PODN: variants seen among roughly 807,000 people sequenced by gnomAD.
PODN encodes podocan, also known as podocan proteoglycan.
Under a neutral mutation model 52.7 loss-of-function variants are expected in PODN, and 40 were observed. The observed-to-expected ratio is 0.76, with a 90% CI of 0.59 to 0.99. PODN has a LOEUF of 0.99. PODN is among the 50% of genes least tolerant of loss of function. The pLI, the probability that PODN is intolerant of heterozygous loss-of-function variation, is 0.00. For missense variants in PODN, 720 were observed against 815.1 expected (o/e 0.88, Z 1.42); for synonymous variants, 396 against 377.9 (o/e 1.05, Z -0.56).
At chr1:53,078,239 C>T (rs1644225351) in intron 7 of PODN, 126 bp from the exon 8 acceptor site, 4 of 978,804 alleles carry the variant, frequency 4.1e-6, no homozygotes, top group Non-Finnish European at 6.1e-6. Context: ...TGAGGGCCCA[C>T]AGTCAGTGAG....
intron 1 of PODN, among the ~76,000 whole-genome samples, chr1:53,062,983 A>C (rs1025311546): frequency 1.3e-5 from 2 of 152,110 alleles, no homozygotes; most frequent in African/African-American, 2.4e-5. Flanking sequence ...GGACAGCTGG[A>C]GGGAGGAAGG....
Position 53,078,871 on chromosome 1 carries a change from A to G in PODN, c.1361A>G (p.His454Arg), listed in dbSNP as rs778883381. 2 of 1,612,546 alleles carry G rather than the reference A, an allele frequency of 1.2e-6. No homozygotes were observed. The highest frequency in any genetic ancestry group is 1.7e-4 in the Middle Eastern group (1 of 6,060). The change falls in exon 8 of 11, where the codon CAT becomes CGT. Residue 454 changes from histidine to arginine, a missense_variant. Transcript: ENST00000312553. The stretch of plus-strand genomic sequence containing the variant: ...CCACCTGGGCTGCCTCGAAATGTCC[A>G]TGTGCTGAAGGTCAAGCGCAATGAG... ...TLPPGLPRNV[H>R]VLKVKRNELA...
At chr1:53,073,492 G>A (rs1288051848) in intron 3 of PODN, 1 of 152,232 alleles carries the variant, frequency 6.6e-6, no homozygotes, top group Non-Finnish European at 1.5e-5. Context: ...CTAAGACCTG[G>A]GGGATGCGCA....
chr1:53,070,195 C>CG (rs1450640829), intron 2 of PODN, 28 bp downstream of exon 2: 28 of 1,598,164 alleles, frequency 1.8e-5, no homozygotes, highest in Non-Finnish European at 2.4e-5. Context: ...CCTGTGGTCA[C>CG]GGGGGCTGTC....
At chr1:53,075,725 A>T (rs1644184486) in intron 4 of PODN, 137 bp from the exon 5 acceptor site, 1 of 693,344 alleles carries the variant, frequency 1.4e-6, no homozygotes. Flanking sequence ...AGGGGGTGGG[A>T]CAAGTTTCAA....
intron 1 of PODN, among the ~76,000 whole-genome samples, chr1:53,064,691 A>G (rs1179923269): frequency 6.6e-6 from 1 of 152,194 alleles, no homozygotes; most frequent in Non-Finnish European, 1.5e-5. Flanking sequence ...TTACTTTCTC[A>G]GTAACAGTAA....
chr1:53,066,854 G>T, intron 1 of PODN: 1 of 1,549,882 alleles, frequency 6.5e-7, no homozygotes, highest in Non-Finnish European at 8.7e-7. Flanking sequence ...CGAGGAGGCA[G>T]AACAGCCTGC....
At position 53,075,893 on chromosome 1, in the gene PODN, C is replaced by A. The variant is rs757626230; in HGVS notation, c.503C>A (p.Ala168Asp). The change falls in exon 5 of 11, where the codon GCC becomes GAC. Residue 168 changes from alanine (A) to aspartate (D), a missense_variant. By Grantham distance (126) the Ala-to-Asp change is moderately radical (BLOSUM62 -2). Coordinates refer to ENST00000312553, the MANE Select transcript of PODN (RefSeq NM_153703.5). ...TTGGCACCCCGCTTCCTGCCAAACG[C>A]CCTGATCAGTGTGGACTTTGCTGCC... ...LTLAPRFLPN[A>D]LISVDFAANY... The A allele has an allele frequency of 3.1e-6, 5 of 1,605,516 alleles. No homozygotes were observed. In the African/African-American group the frequency reaches 6.7e-5, roughly 21 times the overall value.
rs770675676 is a variant in PODN, at chr1:53,069,971, G to GC, written c.120dup (p.Glu41ArgfsTer17). 1 of 1,607,656 alleles carries GC rather than the reference G, an allele frequency of 6.2e-7. No individual in the cohort carries two copies. Among genetic ancestry groups the GC allele is most frequent in the Non-Finnish European group, 8.5e-7 (1 of 1,177,576 alleles). ...GGCCGAAGTGGCGGCCACAGCCTGA[G>GC]CCCCGAAGAGAACGAATTTGCGGAG... On this transcript the variant is annotated frameshift_variant, in exon 2 of 11. Coordinates refer to ENST00000312553, the MANE Select transcript of PODN (RefSeq NM_153703.5). LOFTEE classifies it high-confidence loss of function.
chr1:53,068,576 A>G (rs17107814), intron 1 of PODN, among the ~76,000 whole-genome samples: 7,264 of 152,256 alleles, frequency 0.048, 261 homozygotes, highest in East Asian at 0.2. Context: ...GGTGCTTTGC[A>G]TCTTATCTTA....
intron 1 of PODN, among the ~76,000 whole-genome samples, chr1:53,065,003 TC>T (rs1644010744): frequency 6.6e-6 from 1 of 152,126 alleles, no homozygotes; most frequent in Admixed American, 6.5e-5. Flanking sequence ...CCCCTGTTCT[TC>T]CCCACACACC....
chr1:53,085,413 C>A lies in PODN; in HGVS notation c.*928C>A, dbSNP rs148795050. 1 of 152,330 alleles carries A rather than the reference C, an allele frequency of 6.6e-6. No individual in the cohort carries two copies. The highest frequency in any genetic ancestry group is 1.5e-5 in the Non-Finnish European group (1 of 68,026). The allele number at this position is 152,330 out of a possible 1,614,324, so 9.4% of individuals were successfully genotyped here. ...GTTCCGGGTGCCTTTATTTTTTATT[C>A]TTTTCTAAGGAAAAAAATGATAAAA... On this transcript the variant is annotated 3_prime_UTR_variant, in exon 11 of 11. Coordinates refer to ENST00000312553, the MANE Select transcript of PODN (RefSeq NM_153703.5).
At chr1:53,067,238 G>A (rs1183628669) in intron 1 of PODN, among the ~76,000 whole-genome samples, 1 of 152,084 alleles carries the variant, frequency 6.6e-6, no homozygotes, top group Non-Finnish European at 1.5e-5. Context: ...GCTGAGACCT[G>A]AGTCTCCATC....
In PODN at chr1:53,080,787, T is replaced by A; in HGVS notation, c.1572T>A (p.Leu524=). ...TEIPEGLPES[L]EYLYLQNNKI... is the part of the protein sequence containing the mutation. ...TCCCCGAGGGGCTCCCCGAGTCACTTGAGTACCTGTACCTGCAGAACAACA... is the reference window on the plus strand; with the variant it reads ...TCCCCGAGGGGCTCCCCGAGTCACTAGAGTACCTGTACCTGCAGAACAACA... The change falls in exon 9 of 11, where the codon CTT becomes CTA. Residue 524 remains leucine (L), a synonymous_variant. Coordinates refer to ENST00000312553, the MANE Select transcript of PODN (RefSeq NM_153703.5). 1 of 1,614,048 alleles carries A rather than the reference T, an allele frequency of 6.2e-7. No individual in the cohort carries two copies. Among genetic ancestry groups the A allele is most frequent in the Non-Finnish European group, 8.5e-7 (1 of 1,180,016 alleles).
chr1:53,082,051 G>A lies in PODN; in HGVS notation c.1732G>A (p.Asp578Asn). 3 of 1,613,952 alleles carry A rather than the reference G, an allele frequency of 1.9e-6. No individual in the cohort carries two copies. The highest frequency in any genetic ancestry group is 2.5e-6 in the Non-Finnish European group (3 of 1,179,948). ...FRRLKHLQVL[D>N]IEGNLEFGDI... ...GAGGCTGAAGCACCTGCAGGTCTTG[G>A]ACATTGAAGGCAACTTAGAGTTTGG... Residue 578 changes from aspartate (D) to asparagine (N), a missense_variant, in exon 10 of 11, where the codon GAC becomes AAC. Physicochemically the swap from Asp to Asn is conservative, Grantham distance 23. Coordinates refer to ENST00000312553, the MANE Select transcript of PODN (RefSeq NM_153703.5).
chr1:53,066,900 C>T, intron 1 of PODN: 1 of 1,537,072 alleles, frequency 6.5e-7, no homozygotes. Flanking sequence ...ACCAGAGCTC[C>T]TTCCCCTGGA....
At chr1:53,068,420 C>G (rs1227062026) in intron 1 of PODN, among the ~76,000 whole-genome samples, 1 of 152,146 alleles carries the variant, frequency 6.6e-6, no homozygotes, top group Non-Finnish European at 1.5e-5. Flanking sequence ...GTGAATGTCC[C>G]CCGTGCTGGA....
intron 4 of PODN, among the ~76,000 whole-genome samples, chr1:53,075,464 A>G (rs554836561): frequency 6.6e-6 from 1 of 152,164 alleles, no homozygotes; most frequent in South Asian, 2.1e-4. Flanking sequence ...ACTGGCCCCC[A>G]TCCCTCACCT....
chr1:53,070,960 G>A (rs1412560569), intron 2 of PODN: 2 of 152,896 alleles, frequency 1.3e-5, no homozygotes, highest in African/African-American at 4.8e-5. Flanking sequence ...ATGGAGGCAG[G>A]GCCCGGCGTT....
Sources: gnomAD v4.1 joint callset for allele counts (sites outside exome capture counted in the v4.1 genomes callset) on GRCh38, gnomAD v4.1.1 for gene constraint, MANE v1.5 for transcripts, NCBI Gene and HGNC (gene_info 2026-07-23, HGNC 2026-07-21) for gene names.